Variants in ADAMTS18 observed in about 807,000 individuals in gnomAD.
ADAMTS18 encodes ADAM metallopeptidase with thrombospondin type 1 motif 18, also known as A disintegrin and metalloproteinase with thrombospondin motifs 18.
Under a neutral mutation model 165.9 loss-of-function variants are expected in ADAMTS18, and 157 were observed. The observed-to-expected ratio is 0.95, with a 90% CI of 0.83 to 1.08. ADAMTS18 has a LOEUF of 1.08. Among genes scored for constraint, ADAMTS18 ranks in the 50% least tolerant of loss-of-function variants. The probability of loss-of-function intolerance (pLI) is 0.00; values close to 1 mark genes in which losing one functional copy is unlikely to be tolerated. For synonymous variants in ADAMTS18, 782 were observed against 578.2 expected (o/e 1.35, Z -5.06); for missense variants, 2,040 against 1,534.0 (o/e 1.33, Z -5.51).
intron 3 of ADAMTS18, among the ~76,000 whole-genome samples, chr16:77,409,961 T>A (rs534059753): frequency 6.6e-6 from 1 of 152,168 alleles, no homozygotes; most frequent in Non-Finnish European, 1.5e-5. Context: ...TGGGATCAAA[T>A]TGACTCACCC....
At chr16:77,298,026 G>C (rs2343049) in intron 17 of ADAMTS18, among the ~76,000 whole-genome samples, 8 of 142,156 alleles carry the variant, frequency 5.6e-5, no homozygotes, top group South Asian at 4.8e-4. Flanking sequence ...CCGGGTTCAA[G>C]CGATTCTCCT....
At chr16:77,379,636 G>C (rs998788363) in intron 3 of ADAMTS18, among the ~76,000 whole-genome samples, 2 of 152,024 alleles carry the variant, frequency 1.3e-5, no homozygotes, top group African/African-American at 2.4e-5. Flanking sequence ...CTACAGGTGC[G>C]TGCCACCACA....
In ADAMTS18 at chr16:77,282,308, AAAT is replaced by A. The variant is rs1251684330; in HGVS notation, c.*1645_*1647del. 6.6e-6 allele frequency: 1 copy of A among 152,148 alleles called. No homozygotes were observed. The highest frequency in any genetic ancestry group is 2.4e-5 in the African/African-American group (1 of 41,448). The allele number at this position is 152,148 out of a possible 1,614,324, so 9.4% of individuals were successfully genotyped here. A position where few individuals can be genotyped will look rare whatever the true frequency, so the allele number is the denominator to read the frequency against. On this transcript the variant is annotated 3_prime_UTR_variant, in exon 23 of 23. Transcript: ENST00000282849. ...TTAATTAATAAATTAATTTTCCATA[AAAT>A]AATAAAATGATAATTATATAAAGAA...
Position 77,428,122 on chromosome 16 carries a change from G to A in ADAMTS18, c.495+3173C>T, listed in dbSNP as rs144320062. Reference sequence around the variant, plus strand: ...AAAAGGACCCTAAGGCCAGTGGTCTGGCCCCACTCAGAGAAACACTGATAT... The same window carrying A: ...AAAAGGACCCTAAGGCCAGTGGTCTAGCCCCACTCAGAGAAACACTGATAT... On this transcript the variant is annotated intron_variant, in intron 3 of 22. Transcript: ENST00000282849. 3.1e-3 allele frequency among the ~76,000 whole-genome samples: 470 copies of A among 152,240 alleles called. 7 individuals carry two copies. The highest frequency in any genetic ancestry group is 0.01 in the African/African-American group (422 of 41,542).
intron 3 of ADAMTS18, among the ~76,000 whole-genome samples, chr16:77,410,186 A>G (rs959601745): frequency 6.6e-5 from 10 of 152,058 alleles, no homozygotes; most frequent in South Asian, 2.1e-4. Context: ...AATCAGATGT[A>G]GTCTCTTCTA....
chr16:77,384,688 A>T (rs956098661), intron 3 of ADAMTS18, among the ~76,000 whole-genome samples: 4 of 152,170 alleles, frequency 2.6e-5, no homozygotes, highest in Admixed American at 2.6e-4. Context: ...GATTGTACTA[A>T]TTTAACCCTT....
chr16:77,285,772 CACGTTCTCCATGCAATCAGCAG>C (rs2144547857), intron 22 of ADAMTS18, among the ~76,000 whole-genome samples: 1 of 152,228 alleles, frequency 6.6e-6, no homozygotes, highest in South Asian at 2.1e-4. Flanking sequence ...TTCTTTGCTT[CACGTTCTCCATGCAATCAGCAG>C]ATACTCTTGG....
intron 3 of ADAMTS18, among the ~76,000 whole-genome samples, chr16:77,415,579 A>T (rs534657108): frequency 6.6e-6 from 1 of 152,110 alleles, no homozygotes; most frequent in East Asian, 1.9e-4. Context: ...CTCTAGGTCA[A>T]CGATATCTGA....
chr16:77,321,597 A>G (rs76892656), intron 14 of ADAMTS18, among the ~76,000 whole-genome samples: 5,204 of 152,326 alleles, frequency 0.034, 168 homozygotes, highest in Middle Eastern at 0.048. Flanking sequence ...ATTAAAATGG[A>G]AGAGAAAATG....
intron 8 of ADAMTS18, among the ~76,000 whole-genome samples, chr16:77,359,012 G>T (rs2056672029): frequency 6.6e-6 from 1 of 151,964 alleles, no homozygotes; most frequent in East Asian, 1.9e-4. Context: ...TGTGCATAAA[G>T]AATCAGCTAG....
intron 3 of ADAMTS18, among the ~76,000 whole-genome samples, chr16:77,415,704 G>C (rs1265435072): frequency 7.7e-6 from 1 of 129,760 alleles, no homozygotes; most frequent in Non-Finnish European, 1.6e-5. Context: ...CAGATGACTG[G>C]AGTAATGAAT....
chr16:77,426,756 T>C (rs1361313855), intron 3 of ADAMTS18, among the ~76,000 whole-genome samples: 5 of 152,096 alleles, frequency 3.3e-5, no homozygotes, highest in Non-Finnish European at 7.4e-5. Context: ...GTGTGGTGGC[T>C]CAAGCCTGGT....
chr16:77,360,808 C>T (rs966472514), intron 7 of ADAMTS18, among the ~76,000 whole-genome samples: 6 of 152,120 alleles, frequency 3.9e-5, no homozygotes, highest in African/African-American at 1.4e-4. Context: ...AATTTCTGCC[C>T]TGGCACAGTG....
At chr16:77,287,544 C>G (rs976726079) in intron 22 of ADAMTS18, among the ~76,000 whole-genome samples, 1 of 152,086 alleles carries the variant, frequency 6.6e-6, no homozygotes, top group African/African-American at 2.4e-5. Flanking sequence ...GTGGTGCAAT[C>G]TCGGGTCACT....
rs911294127 is a variant in ADAMTS18, at chr16:77,434,822, C to G, written c.-127G>C. ...TGCGGCTCCAGGTGAGAGCCGCCGC[C>G]GTTCACATCGCAGCGGGGGCGCGCT... On this transcript the variant is annotated 5_prime_UTR_variant, in exon 1 of 23. Transcript: ENST00000282849. The G allele has an allele frequency of 1.3e-6, 1 of 741,624 alleles. No homozygotes were observed. Among genetic ancestry groups the G allele is most frequent in the South Asian group, 3.9e-5 (1 of 25,630 alleles). 45.9% of individuals were successfully genotyped at this position (741,624 alleles called of 1,614,324 possible).
intron 12 of ADAMTS18, among the ~76,000 whole-genome samples, chr16:77,329,217 TG>T (rs2056147521): frequency 6.6e-6 from 1 of 152,110 alleles, no homozygotes; most frequent in African/African-American, 2.4e-5. Context: ...GTAATCCTCC[TG>T]CCTCAGCCTC....
At chr16:77,413,579 C>G (rs2057492374) in intron 3 of ADAMTS18, among the ~76,000 whole-genome samples, 1 of 152,132 alleles carries the variant, frequency 6.6e-6, no homozygotes, top group African/African-American at 2.4e-5. Context: ...CTCAACCCCT[C>G]TATTAGGGAG....
rs201002655 is a variant in ADAMTS18, at chr16:77,367,635, G to A, written c.584C>T (p.Ala195Val). ...LAQEHNYSSP[A>V]GHHPHVLYKR... ...GTACAGTACGTGAGGATGGTGACCC[G>A]CAGGGGAGCTGTAGTTGTGTTCCTG... Residue 195 changes from alanine (A) to valine (V), a missense_variant, in exon 4 of 23, where the codon GCG (alanine) becomes GTG (valine). By Grantham distance (64) the Ala-to-Val change is moderately conservative (BLOSUM62 0). Coordinates refer to ENST00000282849, the MANE Select transcript of ADAMTS18 (RefSeq NM_199355.4). The A allele has an allele frequency of 1.3e-4, 217 of 1,614,166 alleles. No individual in the cohort carries two copies. Among genetic ancestry groups the A allele is most frequent in the Middle Eastern group, 3.3e-4 (2 of 6,062 alleles).
chr16:77,398,527 G>A (rs534707307), intron 3 of ADAMTS18, among the ~76,000 whole-genome samples: 61 of 152,214 alleles, frequency 4.0e-4, no homozygotes, highest in South Asian at 4.2e-4. Context: ...CCTTTGCAAC[G>A]AGGAGGCTGT....
Sources: gnomAD v4.1 joint callset for allele counts (sites outside exome capture counted in the v4.1 genomes callset) on GRCh38, gnomAD v4.1.1 for gene constraint, MANE v1.5 for transcripts, NCBI Gene and HGNC (gene_info 2026-07-23, HGNC 2026-07-21) for gene names.